SH3D19: variants seen among roughly 807,000 people sequenced by gnomAD.
The protein encoded by SH3D19 is SH3 domain-containing protein 19.
Under a neutral mutation model 112.1 loss-of-function variants are expected in SH3D19, and 58 were observed. The ratio of observed to expected loss-of-function variants is 0.52; its 90% confidence interval spans 0.42 to 0.64. The LOEUF (loss-of-function observed/expected upper bound fraction) is 0.64, where lower values mean the gene tolerates loss of function less well. SH3D19 is among the 30% of genes least tolerant of loss of function. The pLI, the probability that SH3D19 is intolerant of heterozygous loss-of-function variation, is 0.00. For synonymous variants in SH3D19, 391 were observed against 448.5 expected (o/e 0.87, Z 1.62); for missense variants, 1,090 against 1,263.4 (o/e 0.86, Z 2.08).
At chr4:151,273,146 TAG>T (rs1773339875) in intron 1 of SH3D19, among the ~76,000 whole-genome samples, 1 of 152,214 alleles carries the variant, frequency 6.6e-6, no homozygotes, top group Non-Finnish European at 1.5e-5. Context: ...GTAACTGATG[TAG>T]AGTTTATTTC....
intron 9 of SH3D19, among the ~76,000 whole-genome samples, chr4:151,152,272 C>T (rs994269096): frequency 6.6e-6 from 1 of 152,166 alleles, no homozygotes; most frequent in Non-Finnish European, 1.5e-5. Context: ...TTAGGGACTT[C>T]CTCCTCGTGG....
Position 151,175,462 on chromosome 4 carries a change from G to C in SH3D19, c.742C>G (p.Gln248Glu). The change falls in exon 7 of 20, where the codon CAA (glutamine) becomes GAA (glutamate). Residue 248 changes from glutamine (Q) to glutamate (E), a missense_variant. Gln to Glu is a conservative substitution (Grantham distance 29, BLOSUM62 2). Coordinates refer to ENST00000604030, the MANE Select transcript of SH3D19 (RefSeq NM_001378122.1). Reference protein sequence around the residue: ...PRDSHIKEQSQQKISPAAVGE... With the variant: ...PRDSHIKEQSEQKISPAAVGE... ...ACGGCTGCTGGGCTGATTTTCTGTT[G>C]ACTTTGCTCTTTAATGTGAGAATCT... 2.7e-6 allele frequency: 4 copies of C among 1,503,888 alleles called. 1 individual carries two copies. The South Asian group carries it at 5.6e-5, about 21-fold the overall frequency. 93.2% of individuals were successfully genotyped at this position (1,503,888 alleles called of 1,614,324 possible).
chr4:151,304,467 C>T (rs563223244), intron 1 of SH3D19, among the ~76,000 whole-genome samples: 2 of 152,154 alleles, frequency 1.3e-5, no homozygotes, highest in African/African-American at 4.8e-5. Context: ...AGAACAAAAC[C>T]AACCTTATTC....
intron 1 of SH3D19, among the ~76,000 whole-genome samples, chr4:151,255,782 C>T (rs560629976): frequency 1.8e-4 from 27 of 152,348 alleles, no homozygotes; most frequent in Middle Eastern, 3.4e-3. Flanking sequence ...CCAGGCACCT[C>T]GGGAGGCCGA....
chr4:151,273,984 TA>T, intron 1 of SH3D19, among the ~76,000 whole-genome samples: 1 of 152,036 alleles, frequency 6.6e-6, no homozygotes, highest in Non-Finnish European at 1.5e-5. Flanking sequence ...AGATGAAAAA[TA>T]CTAAGAGTCA....
At chr4:151,223,063 T>G (rs1719481763) in intron 2 of SH3D19, among the ~76,000 whole-genome samples, 1 of 148,116 alleles carries the variant, frequency 6.8e-6, no homozygotes. Flanking sequence ...ATCTCACTAG[T>G]GATAATATAC....
chr4:151,139,912 T>C (rs114738615), intron 12 of SH3D19, 65 bp from the exon 13 acceptor site: 263 of 1,505,160 alleles, frequency 1.7e-4, no homozygotes, highest in Middle Eastern at 1.0e-3. Flanking sequence ...TTATTCACTC[T>C]GAGACCAATT....
At chr4:151,233,164 G>A (rs1007562755) in intron 1 of SH3D19, among the ~76,000 whole-genome samples, 4 of 151,864 alleles carry the variant, frequency 2.6e-5, no homozygotes, top group Non-Finnish European at 5.9e-5. Context: ...ATCACCCCCA[G>A]ATGGGACCAT....
intron 2 of SH3D19, among the ~76,000 whole-genome samples, chr4:151,195,396 AAGAAAAAGAAAAAAAG>A (rs1763307381): frequency 2.3e-5 from 3 of 130,666 alleles, no homozygotes; most frequent in Admixed American, 7.3e-5. Context: ...AAAAAAAAAA[AAGAAAAAGAAAAAAAG>A]AGTTAACCTT....
chr4:151,141,437 T>G (rs1752965039), intron 12 of SH3D19, among the ~76,000 whole-genome samples: 1 of 152,120 alleles, frequency 6.6e-6, no homozygotes, highest in South Asian at 2.1e-4. Flanking sequence ...GGAGTGGCTT[T>G]TCATAATTAT....
At chr4:151,311,635 T>C (rs1343181691) in intron 1 of SH3D19, among the ~76,000 whole-genome samples, 1 of 151,260 alleles carries the variant, frequency 6.6e-6, no homozygotes, top group Non-Finnish European at 1.5e-5. Context: ...GACCAGGAAT[T>C]TGAGGCCAGC....
intron 1 of SH3D19, among the ~76,000 whole-genome samples, chr4:151,299,791 T>G (rs979786107): frequency 1.6e-4 from 24 of 152,134 alleles, no homozygotes; most frequent in Non-Finnish European, 3.2e-4. Context: ...CAGAGGCTGC[T>G]GAGTTAAGTG....
chr4:151,179,094 G>C (rs1280960009), intron 4 of SH3D19, among the ~76,000 whole-genome samples: 1 of 152,166 alleles, frequency 6.6e-6, no homozygotes, highest in Non-Finnish European at 1.5e-5. Flanking sequence ...TGCTTTACAT[G>C]TAACAGCTGT....
intron 1 of SH3D19, among the ~76,000 whole-genome samples, chr4:151,243,511 A>G (rs1035990985): frequency 6.6e-6 from 1 of 152,396 alleles, no homozygotes; most frequent in African/African-American, 2.4e-5. Flanking sequence ...TGTCACTGAC[A>G]ATATGGAAGT....
intron 1 of SH3D19, among the ~76,000 whole-genome samples, chr4:151,275,781 A>G (rs1309531516): frequency 1.3e-5 from 2 of 152,212 alleles, no homozygotes; most frequent in South Asian, 2.1e-4. Context: ...TCAGCCTTTC[A>G]AAGTGCTGGG....
chr4:151,189,157 A>G (rs1762243199), intron 2 of SH3D19, among the ~76,000 whole-genome samples: 2 of 152,012 alleles, frequency 1.3e-5, no homozygotes, highest in Admixed American at 1.3e-4. Flanking sequence ...TCTGTCGCCC[A>G]GGGTGGAGTG....
intron 1 of SH3D19, among the ~76,000 whole-genome samples, chr4:151,247,512 A>G (rs6837244): frequency 0.018 from 2,782 of 152,310 alleles, 40 homozygotes; most frequent in Middle Eastern, 0.037. Context: ...ATTCTTACAT[A>G]TAATTTATAT....
chr4:151,280,732 A>G (rs1401358817), intron 1 of SH3D19, among the ~76,000 whole-genome samples: 1 of 152,052 alleles, frequency 6.6e-6, no homozygotes, highest in Non-Finnish European at 1.5e-5. Flanking sequence ...TCAAGGCTGC[A>G]GTGACCTATG....
chr4:151,250,950 C>A (rs1049683462), intron 1 of SH3D19, among the ~76,000 whole-genome samples: 3 of 152,174 alleles, frequency 2.0e-5, no homozygotes, highest in Non-Finnish European at 4.4e-5. Flanking sequence ...TCAAGTTTCA[C>A]GGGCTCTGGC....
Sources: gnomAD v4.1 joint callset for allele counts (sites outside exome capture counted in the v4.1 genomes callset) on GRCh38, gnomAD v4.1.1 for gene constraint, MANE v1.5 for transcripts, NCBI Gene and HGNC (gene_info 2026-07-23, HGNC 2026-07-21) for gene names.